The following IQCJ variants were observed in gnomAD, a reference collection of about 807,000 sequenced individuals.
IQCJ encodes the protein IQ motif containing J.
In IQCJ, 9 loss-of-function variants were observed where a neutral mutation model predicts 11.0. The ratio of observed to expected loss-of-function variants is 0.82; its 90% CI spans 0.49 to 1.43. The LOEUF (loss-of-function observed/expected upper bound fraction) is 1.43. Ranked by LOEUF, IQCJ falls within the 40% of genes most tolerant of loss-of-function variation. IQCJ has a pLI of 0.00. For synonymous variants in IQCJ, 55 were observed against 51.3 expected (o/e 1.07, Z -0.31); for missense variants, 146 against 133.2 (o/e 1.10, Z -0.47).
intron 1 of IQCJ, among the ~76,000 whole-genome samples, chr3:159,226,733 G>T (rs1725876997): frequency 6.6e-6 from 1 of 152,234 alleles, no homozygotes; most frequent in Admixed American, 6.5e-5. Flanking sequence ...TTTGTAAGTT[G>T]TGGTTCTGAT....
intron 1 of IQCJ, among the ~76,000 whole-genome samples, chr3:159,088,418 G>A (rs1309846744): frequency 4.6e-5 from 7 of 152,186 alleles, no homozygotes; most frequent in African/African-American, 7.2e-5. Flanking sequence ...GGAGAGTTCT[G>A]TAGATGTCTA....
At chr3:159,204,927 G>A (rs1401982693) in intron 1 of IQCJ, among the ~76,000 whole-genome samples, 1 of 152,152 alleles carries the variant, frequency 6.6e-6, no homozygotes, top group African/African-American at 2.4e-5. Context: ...GCAGGCCAGG[G>A]ATGTCCTGCT....
chr3:159,221,525 A>G (rs1577090764), intron 1 of IQCJ, among the ~76,000 whole-genome samples: 1 of 152,142 alleles, frequency 6.6e-6, no homozygotes, highest in East Asian at 1.9e-4. Flanking sequence ...ATAAATTACT[A>G]CAATTTTCTT....
intron 1 of IQCJ, among the ~76,000 whole-genome samples, chr3:159,124,007 C>T (rs1012052835): frequency 6.6e-6 from 1 of 152,286 alleles, no homozygotes. Flanking sequence ...CTTGCAATAT[C>T]CTTTCATGCA....
At chr3:159,160,576 C>A (rs1469804843) in intron 1 of IQCJ, among the ~76,000 whole-genome samples, 6 of 151,744 alleles carry the variant, frequency 4.0e-5, no homozygotes, top group African/African-American at 1.5e-4. Context: ...TACATGTGCA[C>A]AATGTGCAGG....
chr3:159,208,252 C>G (rs1174960323), intron 1 of IQCJ, among the ~76,000 whole-genome samples: 1 of 152,158 alleles, frequency 6.6e-6, no homozygotes, highest in Non-Finnish European at 1.5e-5. Flanking sequence ...GCCTTTGCTC[C>G]CAACCTCATC....
At chr3:159,225,192 A>G (rs1725782140) in intron 1 of IQCJ, among the ~76,000 whole-genome samples, 1 of 152,212 alleles carries the variant, frequency 6.6e-6, no homozygotes, top group Non-Finnish European at 1.5e-5. Flanking sequence ...ACACATCCAT[A>G]CCATGGAATA....
chr3:159,117,214 C>T (rs1283132327), intron 1 of IQCJ, among the ~76,000 whole-genome samples: 1 of 152,142 alleles, frequency 6.6e-6, no homozygotes, highest in Non-Finnish European at 1.5e-5. Context: ...CTTTTCATCC[C>T]AAACCTACAG....
intron 1 of IQCJ, among the ~76,000 whole-genome samples, chr3:159,186,955 T>C (rs1189960856): frequency 1.3e-5 from 2 of 152,162 alleles, no homozygotes; most frequent in African/African-American, 4.8e-5. Context: ...GTAGCTCAGG[T>C]GATGAGTTTT....
chr3:159,215,453 C>T (rs768742592), intron 1 of IQCJ, among the ~76,000 whole-genome samples: 6 of 152,148 alleles, frequency 3.9e-5, no homozygotes, highest in African/African-American at 4.8e-5. Context: ...TTTTCCGATA[C>T]TTTGTTCTCA....
intron 1 of IQCJ, among the ~76,000 whole-genome samples, chr3:159,138,453 T>C (rs1411028363): frequency 6.6e-6 from 1 of 152,216 alleles, no homozygotes; most frequent in East Asian, 1.9e-4. Context: ...GTTAATACCA[T>C]AAAATTTGAA....
downstream of IQCJ, among the ~76,000 whole-genome samples, chr3:159,264,067 A>G (rs1471422342): frequency 1.3e-5 from 2 of 152,210 alleles, no homozygotes; most frequent in Non-Finnish European, 2.9e-5. Flanking sequence ...TGCAAATTAG[A>G]TGACTTTTGG....
chr3:159,241,595 A>G (rs1038858147), intron 1 of IQCJ, among the ~76,000 whole-genome samples: 1 of 152,052 alleles, frequency 6.6e-6, no homozygotes, highest in Non-Finnish European at 1.5e-5. Flanking sequence ...TTCAGTTAGT[A>G]CCTGTCACAG....
At chr3:159,135,896 G>A (rs1465970880) in intron 1 of IQCJ, among the ~76,000 whole-genome samples, 3 of 152,172 alleles carry the variant, frequency 2.0e-5, no homozygotes, top group Non-Finnish European at 2.9e-5. Context: ...TATTTATGTA[G>A]TAAACAAGTA....
At chr3:159,235,300 CT>C (rs1726512526) in intron 1 of IQCJ, among the ~76,000 whole-genome samples, 1 of 152,206 alleles carries the variant, frequency 6.6e-6, no homozygotes, top group African/African-American at 2.4e-5. Flanking sequence ...AAAAATTTTA[CT>C]AGTAGTGTTT....
chr3:159,160,378 C>G (rs1396175854), intron 1 of IQCJ, among the ~76,000 whole-genome samples: 2 of 151,772 alleles, frequency 1.3e-5, no homozygotes, highest in Non-Finnish European at 2.9e-5. Flanking sequence ...TCTCGGCTCA[C>G]TGCAACCTCT....
intron 1 of IQCJ, among the ~76,000 whole-genome samples, chr3:159,245,458 C>CTTTTTT (rs34153369): frequency 1.4e-4 from 16 of 113,056 alleles, no homozygotes; most frequent in Admixed American, 2.8e-4. Flanking sequence ...GTCCTGAATT[C>CTTTTTT]TTTTTTTTTT....
At chr3:159,117,139 A>C (rs1719074661) in intron 1 of IQCJ, among the ~76,000 whole-genome samples, 2 of 152,178 alleles carry the variant, frequency 1.3e-5, no homozygotes, top group South Asian at 4.1e-4. Flanking sequence ...CTTAATCCTT[A>C]CCACAACCCC....
chr3:159,162,039 T>G (rs1235516533), intron 1 of IQCJ, among the ~76,000 whole-genome samples: 2 of 152,226 alleles, frequency 1.3e-5, no homozygotes, highest in African/African-American at 2.4e-5. Flanking sequence ...CATATGAACT[T>G]TAAAGAAGTT....
Sources: gnomAD v4.1 joint callset for allele counts (sites outside exome capture counted in the v4.1 genomes callset) on GRCh38, gnomAD v4.1.1 for gene constraint, MANE v1.5 for transcripts, NCBI Gene and HGNC (gene_info 2026-07-23, HGNC 2026-07-21) for gene names.